The following LRMDA variants were observed in gnomAD, a reference collection of about 807,000 sequenced individuals.
LRMDA encodes leucine rich melanocyte differentiation associated, also known as leucine-rich melanocyte differentiation-associated protein.
LRMDA carries 18 observed loss-of-function variants against 29.8 expected under a neutral mutation model. That is an observed-to-expected ratio of 0.60 (90% CI 0.42 to 0.90). The LOEUF is 0.90. LRMDA is among the 40% of genes least tolerant of loss of function. The pLI is 0.00. For missense variants in LRMDA, 273 were observed against 273.9 expected (o/e 1.00, Z 0.02); for synonymous variants, 125 against 109.4 (o/e 1.14, Z -0.89).
intron 2 of LRMDA, among the ~76,000 whole-genome samples, chr10:75,565,174 C>G (rs867156542): frequency 3.1e-4 from 47 of 152,210 alleles, no homozygotes; most frequent in African/African-American, 1.1e-3. Flanking sequence ...TGACTTGTCT[C>G]AGAACTGTCA....
intron 5 of LRMDA, among the ~76,000 whole-genome samples, chr10:76,060,759 G>A (rs1311990050): frequency 2.6e-5 from 4 of 152,184 alleles, no homozygotes; most frequent in African/African-American, 9.6e-5. Flanking sequence ...TCTGAGACTG[G>A]CTCCTTAAAA....
chr10:75,904,191 A>G (rs1482676433), intron 2 of LRMDA, among the ~76,000 whole-genome samples: 1 of 152,184 alleles, frequency 6.6e-6, no homozygotes, highest in Non-Finnish European at 1.5e-5. Context: ...ATACCTGTGT[A>G]TATTTACCAA....
At chr10:75,811,792 TG>T in intron 2 of LRMDA, among the ~76,000 whole-genome samples, 1 of 152,280 alleles carries the variant, frequency 6.6e-6, no homozygotes, top group Non-Finnish European at 1.5e-5. Flanking sequence ...CAAATCCACT[TG>T]CTGTGTTGGC....
At chr10:75,741,630 T>C (rs1842830888) in intron 2 of LRMDA, among the ~76,000 whole-genome samples, 1 of 152,138 alleles carries the variant, frequency 6.6e-6, no homozygotes, top group African/African-American at 2.4e-5. Context: ...GGGTATTTGG[T>C]GTGACGTTTA....
intron 2 of LRMDA, among the ~76,000 whole-genome samples, chr10:75,863,055 T>A (rs1485562841): frequency 1.3e-5 from 2 of 152,208 alleles, no homozygotes; most frequent in South Asian, 2.1e-4. Flanking sequence ...AACATAAAGA[T>A]AGCTCTGTCC....
At chr10:76,387,127 A>T (rs1387067956) in intron 6 of LRMDA, among the ~76,000 whole-genome samples, 3 of 152,198 alleles carry the variant, frequency 2.0e-5, no homozygotes, top group African/African-American at 7.2e-5. Flanking sequence ...AAGCAATTTG[A>T]TAATTTTTAT....
intron 5 of LRMDA, among the ~76,000 whole-genome samples, chr10:76,195,365 C>T (rs1223555108): frequency 2.0e-5 from 3 of 152,198 alleles, no homozygotes; most frequent in Non-Finnish European, 4.4e-5. Context: ...TTCAGAAGAG[C>T]TGTGACTAGG....
intron 2 of LRMDA, among the ~76,000 whole-genome samples, chr10:75,933,984 A>G (rs1846246422): frequency 6.6e-6 from 1 of 152,148 alleles, no homozygotes. Context: ...ACATCAGGAA[A>G]TGTCTTGGGG....
intron 2 of LRMDA, among the ~76,000 whole-genome samples, chr10:75,473,357 T>A (rs1288007149): frequency 6.6e-6 from 1 of 152,128 alleles, no homozygotes; most frequent in Non-Finnish European, 1.5e-5. Context: ...GCTGAAGAGC[T>A]AAAGGAATAT....
At chr10:75,825,776 A>G (rs1306533156) in intron 2 of LRMDA, among the ~76,000 whole-genome samples, 1 of 152,198 alleles carries the variant, frequency 6.6e-6, no homozygotes, top group Non-Finnish European at 1.5e-5. Flanking sequence ...AAGTGCTGGA[A>G]ACTGTCAGAG....
intron 2 of LRMDA, among the ~76,000 whole-genome samples, chr10:75,816,480 G>A (rs1844062773): frequency 6.6e-6 from 1 of 152,146 alleles, no homozygotes; most frequent in African/African-American, 2.4e-5. Context: ...ATGACTGTGG[G>A]TATGCTCAAC....
chr10:75,693,021 A>T (rs543607247), intron 2 of LRMDA, among the ~76,000 whole-genome samples: 1 of 152,090 alleles, frequency 6.6e-6, no homozygotes, highest in Non-Finnish European at 1.5e-5. Flanking sequence ...AGGAGCATAG[A>T]GCTACATCCT....
chr10:75,881,491 C>T (rs184421087), intron 2 of LRMDA, among the ~76,000 whole-genome samples: 1 of 152,192 alleles, frequency 6.6e-6, no homozygotes, highest in Non-Finnish European at 1.5e-5. Context: ...TCTCTCCCCC[C>T]CACTACCCCT....
intron 2 of LRMDA, among the ~76,000 whole-genome samples, chr10:75,774,452 ATAT>A (rs964055191): frequency 5.3e-5 from 8 of 152,160 alleles, no homozygotes; most frequent in African/African-American, 1.7e-4. Context: ...ATAATTAATA[ATAT>A]TATGTATCTT....
At chr10:75,782,069 T>TGCATCTCG (rs1165952345) in intron 2 of LRMDA, among the ~76,000 whole-genome samples, 1 of 152,234 alleles carries the variant, frequency 6.6e-6, no homozygotes, top group African/African-American at 2.4e-5. Flanking sequence ...GAACCAACAT[T>TGCATCTCG]GCATCTCGGC....
chr10:75,907,403 G>T (rs1845775627), intron 2 of LRMDA, among the ~76,000 whole-genome samples: 1 of 152,110 alleles, frequency 6.6e-6, no homozygotes, highest in South Asian at 2.1e-4. Flanking sequence ...TTTTGTTGAA[G>T]GCAGCCTTGT....
At chr10:76,102,661 T>C (rs1849413193) in intron 5 of LRMDA, among the ~76,000 whole-genome samples, 1 of 152,160 alleles carries the variant, frequency 6.6e-6, no homozygotes, top group African/African-American at 2.4e-5. Context: ...TTTTTTTGTT[T>C]GTTTGTTTTG....
chr10:76,524,920 T>TG (rs1843159107), intron 6 of LRMDA, among the ~76,000 whole-genome samples: 1 of 152,208 alleles, frequency 6.6e-6, no homozygotes, highest in Non-Finnish European at 1.5e-5. Flanking sequence ...CAGTGGAGCA[T>TG]GGGGTCTTAG....
chr10:75,520,711 C>T (rs533571507), intron 2 of LRMDA, among the ~76,000 whole-genome samples: 1 of 152,344 alleles, frequency 6.6e-6, no homozygotes, highest in South Asian at 2.1e-4. Context: ...CTCCGTCCTG[C>T]TTTGTTCTGT....
Sources: allele counts gnomAD v4.1 joint callset (sites outside exome capture counted in the v4.1 genomes callset), GRCh38; gene constraint gnomAD v4.1.1; transcripts MANE v1.5; gene names NCBI Gene and HGNC (gene_info 2026-07-23, HGNC 2026-07-21).